GALNT18: variants seen among roughly 807,000 people sequenced by gnomAD.
The protein encoded by GALNT18 is polypeptide N-acetylgalactosaminyltransferase 18.
A neutral mutation model predicts 69.5 loss-of-function variants in GALNT18; 44 were observed. The ratio of observed to expected loss-of-function variants is 0.63; its 90% CI spans 0.50 to 0.81. The LOEUF is 0.81. Ranked by LOEUF, GALNT18 falls within the 40% of genes least tolerant of loss-of-function variation. The pLI, the probability that GALNT18 is intolerant of heterozygous loss-of-function variation, is 0.00. For missense variants in GALNT18, 715 were observed against 810.0 expected (o/e 0.88, Z 1.42); for synonymous variants, 364 against 318.2 (o/e 1.14, Z -1.53).
intron 1 of GALNT18, among the ~76,000 whole-genome samples, chr11:11,514,098 C>A (rs1857218196): frequency 6.6e-6 from 1 of 152,212 alleles, no homozygotes. Context: ...CTAAAATACG[C>A]TCACTTAAAG....
chr11:11,474,430 G>C (rs749810681), intron 1 of GALNT18, among the ~76,000 whole-genome samples: 26 of 152,200 alleles, frequency 1.7e-4, no homozygotes, highest in African/African-American at 2.2e-4. Flanking sequence ...TTTGTGAGGA[G>C]TGTGGCTCTT....
intron 9 of GALNT18, among the ~76,000 whole-genome samples, chr11:11,302,462 C>G (rs983257387): frequency 3.3e-5 from 5 of 152,192 alleles, no homozygotes. Flanking sequence ...CTCCTCCTGC[C>G]CTCTGCCTGC....
chr11:11,291,219 G>A (rs185856521), intron 10 of GALNT18, among the ~76,000 whole-genome samples: 103 of 152,310 alleles, frequency 6.8e-4, no homozygotes, highest in Admixed American at 9.8e-4. Flanking sequence ...CAGAGAGGGA[G>A]GTGGGAGGAT....
At chr11:11,345,903 T>A (rs2133061793) in intron 6 of GALNT18, among the ~76,000 whole-genome samples, 1 of 152,004 alleles carries the variant, frequency 6.6e-6, no homozygotes, top group East Asian at 1.9e-4. Context: ...ATGTGCTGAG[T>A]CCTGCAGGCA....
At chr11:11,295,394 T>C (rs1242767597) in intron 9 of GALNT18, among the ~76,000 whole-genome samples, 1 of 152,134 alleles carries the variant, frequency 6.6e-6, no homozygotes, top group African/African-American at 2.4e-5. Context: ...ATGAAGCAGT[T>C]AGTACCCCTA....
intron 10 of GALNT18, among the ~76,000 whole-genome samples, chr11:11,285,359 T>G (rs1849173421): frequency 6.6e-6 from 1 of 152,184 alleles, no homozygotes; most frequent in Non-Finnish European, 1.5e-5. Flanking sequence ...TATAGCGCTA[T>G]CATAGGGATT....
At chr11:11,304,100 A>T (rs748203211) in intron 9 of GALNT18, among the ~76,000 whole-genome samples, 14 of 152,208 alleles carry the variant, frequency 9.2e-5, no homozygotes, top group Non-Finnish European at 1.5e-5. Context: ...CTGAAAAGGA[A>T]AAGACACAGA....
Position 11,582,652 on chromosome 11 carries a change from A to G in GALNT18, c.235+38707T>C, listed in dbSNP as rs1859113322. Among the ~76,000 whole-genome samples, 1 of 152,250 alleles carries G rather than the reference A, an allele frequency of 6.6e-6. No homozygotes were observed. Among genetic ancestry groups the G allele is most frequent in the Admixed American group, 6.5e-5 (1 of 15,290 alleles). On this transcript the variant is annotated intron_variant, in intron 1 of 10. Coordinates refer to ENST00000227756, the MANE Select transcript of GALNT18 (RefSeq NM_198516.3). The surrounding 1 kb of genome is among the most constrained non-coding windows in gnomAD (Gnocchi z 5.0). ...GCAGCGCAGACTTTCAGTATGCAGT[A>G]GAAATACACATTGAGGGCTAAAAGC...
rs117372522 is a variant in GALNT18, at chr11:11,461,629, T to C, written c.236-12693A>G. ...CCGGACTTCTAAATATACACTACAC[T>C]GTTCACACATAAAACAGTGTTCCCA... is the stretch of plus-strand genomic sequence containing the variant. On this transcript the variant is annotated intron_variant, in intron 1 of 10. Coordinates refer to ENST00000227756, the MANE Select transcript of GALNT18 (RefSeq NM_198516.3). This position sits in a 1 kb window ranked among gnomAD's most constrained non-coding sequence, Gnocchi z 4.1. Among the ~76,000 whole-genome samples the C allele has an allele frequency of 6.6e-6, 1 of 152,304 alleles. No individual in the cohort carries two copies. Among genetic ancestry groups the C allele is most frequent in the East Asian group, 1.9e-4 (1 of 5,170 alleles).
chr11:11,554,059 G>A (rs1226279249), intron 1 of GALNT18, among the ~76,000 whole-genome samples: 2 of 152,186 alleles, frequency 1.3e-5, no homozygotes, highest in East Asian at 3.9e-4. Flanking sequence ...TACAGGCAAG[G>A]GGAATCAATC....
At chr11:11,508,849 T>C (rs1403354062) in intron 1 of GALNT18, among the ~76,000 whole-genome samples, 1 of 152,204 alleles carries the variant, frequency 6.6e-6, no homozygotes. Context: ...CTGTAGATAC[T>C]CTTAAATGCT....
At chr11:11,446,810 T>A (rs1173326699) in intron 2 of GALNT18, among the ~76,000 whole-genome samples, 1 of 152,172 alleles carries the variant, frequency 6.6e-6, no homozygotes. Context: ...TTCCCATGGA[T>A]CTCTGTCTCA....
rs941962933 is a variant in GALNT18 at position 11,461,940 on chromosome 11, G to A, written c.236-13004C>T. ...TTCATCTGTAATATTACTCTATCAT[G>A]TGCTCCCCTGTCTCAAACAGCCTCT... On this transcript the variant is annotated intron_variant, in intron 1 of 10. Coordinates refer to ENST00000227756, the MANE Select transcript of GALNT18 (RefSeq NM_198516.3). The surrounding 1 kb of genome is among the most constrained non-coding windows in gnomAD (Gnocchi z 4.1). 5.3e-5 allele frequency among the ~76,000 whole-genome samples: 8 copies of A among 152,298 alleles called. No homozygotes were observed. Among genetic ancestry groups the A allele is most frequent in the Admixed American group, 2.0e-4 (3 of 15,294 alleles).
In GALNT18 at chr11:11,404,444, A is replaced by AGCTC. The variant is rs1854541448; in HGVS notation, c.596-25181_596-25180insGAGC. ...GAGGAGCAGGAGCAGGAGCTGAAGC[A>AGCTC]CTCAAAGGCTGATGTAAGCCCTGGC... On this transcript the variant is annotated intron_variant, in intron 3 of 10. Coordinates refer to ENST00000227756, the MANE Select transcript of GALNT18 (RefSeq NM_198516.3). This position sits in a 1 kb window ranked among gnomAD's most constrained non-coding sequence, Gnocchi z 4.5. Among the ~76,000 whole-genome samples, 1 of 152,196 alleles carries AGCTC rather than the reference A, an allele frequency of 6.6e-6. No homozygotes were observed. Among genetic ancestry groups the AGCTC allele is most frequent in the Non-Finnish European group, 1.5e-5 (1 of 68,036 alleles).
chr11:11,484,781 T>C (rs1432415096), intron 1 of GALNT18, among the ~76,000 whole-genome samples: 1 of 152,066 alleles, frequency 6.6e-6, no homozygotes, highest in African/African-American at 2.4e-5. Flanking sequence ...TTAGCAGCCC[T>C]GCCAAAGGTC....
In GALNT18 at chr11:11,293,243, A is replaced by G. The variant is rs369723200; in HGVS notation, c.1513-50T>C. Reference sequence around the variant, plus strand: ...TGTGGATAAATGCCAATGGCCACGGAGACAGGAGCATAGGTGGTGATTCTT... The same window carrying G: ...TGTGGATAAATGCCAATGGCCACGGGGACAGGAGCATAGGTGGTGATTCTT... On this transcript the variant is annotated intron_variant, in intron 9 of 10. Transcript: ENST00000227756. 1.2e-5 allele frequency: 16 copies of G among 1,298,166 alleles called. No homozygotes were observed. In the South Asian group the frequency reaches 2.2e-4, roughly 18 times the overall value. The allele number at this position is 1,298,166 out of a possible 1,614,324, so 80.4% of individuals were successfully genotyped here.
Position 11,397,699 on chromosome 11 carries a change from G to T in GALNT18, c.596-18435C>A, listed in dbSNP as rs1854366521. ...TTGGCCAGGCTGTTCTTGAACTCCT[G>T]GGCTCAAGTGATCCACCTGCTTCAG... On this transcript the variant is annotated intron_variant, in intron 3 of 10. Transcript: ENST00000227756. 2.0e-5 allele frequency among the ~76,000 whole-genome samples: 3 copies of T among 151,842 alleles called. No homozygotes were observed. The Admixed American group carries it at 2.0e-4, about 10-fold the overall frequency.
intron 1 of GALNT18, among the ~76,000 whole-genome samples, chr11:11,547,430 C>T (rs1405796378): frequency 2.0e-5 from 3 of 152,232 alleles, no homozygotes; most frequent in East Asian, 3.9e-4. Context: ...ACCAGGCACT[C>T]GGGGTGGCTT....
At chr11:11,362,925 T>C (rs568869299) in intron 6 of GALNT18, among the ~76,000 whole-genome samples, 55 of 152,322 alleles carry the variant, frequency 3.6e-4, no homozygotes, top group African/African-American at 1.3e-3. Flanking sequence ...AAAAGGAAAT[T>C]GGTAGAACAA....
Sources: gnomAD v4.1 joint callset for allele counts (sites outside exome capture counted in the v4.1 genomes callset) on GRCh38, gnomAD v4.1.1 for gene constraint, Gnocchi (gnomAD v3.1) non-coding constraint, MANE v1.5 for transcripts, NCBI Gene and HGNC (gene_info 2026-07-23, HGNC 2026-07-21) for gene names.